Variants in SAMD5 observed in about 807,000 individuals in gnomAD.
SAMD5 encodes the protein sterile alpha motif domain containing 5, also known as sterile alpha motif domain-containing protein 5.
A neutral mutation model predicts 11.3 loss-of-function variants in SAMD5; 13 were observed. The observed-to-expected ratio is 1.15, with a 90% CI of 0.75 to 1.83. The LOEUF is 1.83. Ranked by LOEUF, SAMD5 falls within the 40% of genes most tolerant of loss-of-function variation. The pLI is 0.00. For missense variants in SAMD5, 255 were observed against 239.1 expected, an observed-to-expected ratio of 1.07 and a Z score of -0.44; for synonymous variants, 129 against 111.3, an observed-to-expected ratio of 1.16 and a Z score of -1.00.
chr6:147,635,635 C>T (rs17388532), intron 1 of SAMD5, among the ~76,000 whole-genome samples: 20,687 of 152,190 alleles, frequency 0.14, 1,478 homozygotes, highest in African/African-American at 0.15. Flanking sequence ...AACTTGGGCT[C>T]ACGTGGCTGA....
At chr6:147,774,158 A>G in the SAMD5 span, among the ~76,000 whole-genome samples, 1 of 152,094 alleles carries the variant, frequency 6.6e-6, no homozygotes, top group Admixed American at 6.5e-5. Flanking sequence ...CTCTATTATA[A>G]GTCCACTAAC....
chr6:147,825,261 C>T, the SAMD5 span, among the ~76,000 whole-genome samples: 179 of 152,318 alleles, frequency 1.2e-3, 1 homozygote, highest in Non-Finnish European at 2.1e-3. Flanking sequence ...TGCACCACTG[C>T]ACTCCAGCCT....
At chr6:147,703,331 C>T (rs2128457967) in intron 1 of SAMD5, among the ~76,000 whole-genome samples, 1 of 152,334 alleles carries the variant, frequency 6.6e-6, no homozygotes, top group Non-Finnish European at 1.5e-5. Context: ...CTCAGCATCC[C>T]AAAGTGCTGG....
At chr6:147,647,920 C>T (rs1367297033) in intron 1 of SAMD5, among the ~76,000 whole-genome samples, 2 of 152,142 alleles carry the variant, frequency 1.3e-5, no homozygotes, top group African/African-American at 4.8e-5. Flanking sequence ...TCACTCAAAC[C>T]CGTTCTTCTG....
the SAMD5 span, among the ~76,000 whole-genome samples, chr6:147,773,999 C>T: frequency 2.0e-5 from 3 of 152,222 alleles, no homozygotes; most frequent in East Asian, 5.8e-4. Flanking sequence ...TGCACCAACA[C>T]ACCCAGCTAA....
chr6:147,873,893 C>T, the SAMD5 span, among the ~76,000 whole-genome samples: 1 of 152,102 alleles, frequency 6.6e-6, no homozygotes, highest in Admixed American at 6.5e-5. Context: ...TTTTATGATG[C>T]ATCACCAATG....
chr6:147,902,715 G>C, the SAMD5 span, among the ~76,000 whole-genome samples: 10 of 152,136 alleles, frequency 6.6e-5, no homozygotes, highest in Non-Finnish European at 1.2e-4. Context: ...TCCTGACCTT[G>C]TCCGCTGAGT....
chr6:147,751,066 C>T, the SAMD5 span, among the ~76,000 whole-genome samples: 4 of 152,178 alleles, frequency 2.6e-5, no homozygotes, highest in African/African-American at 9.6e-5. Flanking sequence ...CATCATGGCT[C>T]CAACGACACA....
intron 1 of SAMD5, among the ~76,000 whole-genome samples, chr6:147,675,806 T>A (rs142390017): frequency 0.022 from 3,276 of 152,326 alleles, 62 homozygotes; most frequent in South Asian, 0.044. Flanking sequence ...ACAGTGATTT[T>A]CTGTTAATGC....
At chr6:147,533,278 C>T (rs1382103489) in intron 1 of SAMD5, among the ~76,000 whole-genome samples, 1 of 151,598 alleles carries the variant, frequency 6.6e-6, no homozygotes, top group Non-Finnish European at 1.5e-5. Flanking sequence ...TCATGGTAGA[C>T]CTACTGATCA....
At chr6:147,831,326 G>A in the SAMD5 span, among the ~76,000 whole-genome samples, 9 of 152,176 alleles carry the variant, frequency 5.9e-5, no homozygotes, top group South Asian at 4.1e-4. Context: ...AAAAGTTTTC[G>A]TGGTATATTT....
At chr6:147,885,254 T>C in the SAMD5 span, among the ~76,000 whole-genome samples, 2 of 152,048 alleles carry the variant, frequency 1.3e-5, no homozygotes, top group African/African-American at 2.4e-5. Context: ...AGGCCAGGAG[T>C]TGGTGACCAG....
At chr6:147,806,936 A>G in the SAMD5 span, among the ~76,000 whole-genome samples, 1 of 152,240 alleles carries the variant, frequency 6.6e-6, no homozygotes, top group South Asian at 2.1e-4. Context: ...CTCCACCATG[A>G]GAGGACACAG....
the SAMD5 span, among the ~76,000 whole-genome samples, chr6:147,838,549 T>C: frequency 8.0e-6 from 1 of 125,134 alleles, no homozygotes; most frequent in East Asian, 2.7e-4. Flanking sequence ...CCCGTAGTTA[T>C]TGTTTATATA....
the SAMD5 span, among the ~76,000 whole-genome samples, chr6:147,940,427 C>T: frequency 0.23 from 34,878 of 151,874 alleles, 4,539 homozygotes; most frequent in African/African-American, 0.35. Context: ...GTGTTCATCA[C>T]AGCGCCCTGC....
intron 1 of SAMD5, among the ~76,000 whole-genome samples, chr6:147,710,529 TTGG>T (rs1435345821): frequency 6.6e-6 from 1 of 152,148 alleles, no homozygotes; most frequent in Non-Finnish European, 1.5e-5. Context: ...TGTTAGTTAC[TTGG>T]TGGCCCACTC....
At chr6:147,690,224 A>G (rs927324688) in intron 1 of SAMD5, among the ~76,000 whole-genome samples, 2 of 152,246 alleles carry the variant, frequency 1.3e-5, no homozygotes, top group African/African-American at 4.8e-5. Flanking sequence ...ACCAGTAACT[A>G]TATTATACTC....
the SAMD5 span, among the ~76,000 whole-genome samples, chr6:147,913,098 A>G: frequency 1.3e-5 from 2 of 152,194 alleles, no homozygotes; most frequent in Admixed American, 1.3e-4. Flanking sequence ...TTGGAAAAAT[A>G]TAATTAAATC....
chr6:147,688,702 C>T (rs1270305909), intron 1 of SAMD5, among the ~76,000 whole-genome samples: 2 of 152,212 alleles, frequency 1.3e-5, no homozygotes, highest in Non-Finnish European at 2.9e-5. Flanking sequence ...CTATCAGGCT[C>T]ACTTCTCCAA....
Sources: gnomAD v4.1 joint callset for allele counts (sites outside exome capture counted in the v4.1 genomes callset) on GRCh38, gnomAD v4.1.1 for gene constraint, MANE v1.5 for transcripts, NCBI Gene and HGNC (gene_info 2026-07-23, HGNC 2026-07-21) for gene names.